IGF2: variants seen among roughly 807,000 people sequenced by gnomAD.
IGF2 encodes the protein insulin like growth factor 2, also known as insulin-like growth factor 2.
IGF2 carries 2 observed loss-of-function variants against 12.0 expected under a neutral mutation model. That is an observed-to-expected ratio of 0.17 (90% confidence interval 0.07 to 0.52). IGF2 has a LOEUF of 0.52. Ranked by LOEUF, IGF2 falls within the 20% of genes least tolerant of loss-of-function variation. The pLI, the probability that IGF2 is intolerant of heterozygous loss-of-function variation, is 0.95. For missense variants in IGF2, 211 were observed against 268.0 expected (o/e 0.79, Z 1.48); for synonymous variants, 105 against 110.1 (o/e 0.95, Z 0.29).
rs1250171739 is a variant in IGF2 at position 2,138,703 on chromosome 11, A to AG, written c.-482dup. The AG allele has an allele frequency of 3.2e-5, 7 of 217,794 alleles. No homozygotes were observed. The highest frequency in any genetic ancestry group is 3.3e-5 in the Non-Finnish European group (6 of 182,422). The allele number at this position is 217,794 out of a possible 1,614,324, so 13.5% of individuals were successfully genotyped here. On this transcript the variant is annotated 5_prime_UTR_variant, in exon 1 of 4. Transcript: ENST00000416167. ...CGGCGAAGGCGAGAGGGCGGGCGTGAGGGGGGGAGGGAGTCGGAGGCTAGG... is the reference window on the plus strand; with the variant it reads ...CGGCGAAGGCGAGAGGGCGGGCGTGAGGGGGGGGAGGGAGTCGGAGGCTAGG...
chr11:2,138,890 C>T lies in IGF2; in HGVS notation c.-668G>A. The T allele has an allele frequency of 2.0e-6, 2 of 984,658 alleles. No individual in the cohort carries two copies. Among genetic ancestry groups the T allele is most frequent in the Non-Finnish European group, 2.4e-6 (2 of 829,430 alleles). 61.0% of individuals were successfully genotyped at this position (984,658 alleles called of 1,614,324 possible). On this transcript the variant is annotated 5_prime_UTR_variant, in exon 1 of 4. Transcript: ENST00000416167. ...TGACTGGGGGGCGGAGTGGAGGCTG[C>T]ACCCGGACCGCGGGCGCCCAGCTCG...
At chr11:2,146,333 C>A in the IGF2 span, 8 of 535,840 alleles carry the variant, frequency 1.5e-5, no homozygotes, top group Non-Finnish European at 3.1e-5. Flanking sequence ...GTCCTCAGAG[C>A]GCCCCTCCGT....
chr11:2,134,333 G>T (rs1018580420), intron 2 of IGF2: 1 of 351,394 alleles, frequency 2.8e-6, no homozygotes, highest in Non-Finnish European at 5.7e-6. Context: ...TCCCCCAAGT[G>T]GGGGCTTGGC....
Position 2,131,622 on chromosome 11 carries a change from G to GTGTGTGC in IGF2, c.*1358_*1364dup, listed in dbSNP as rs1427724970. On this transcript the variant is annotated 3_prime_UTR_variant, in exon 4 of 4. Transcript: ENST00000416167. Reference sequence around the variant, plus strand: ...GCATGCGTGTGTGCTGTGTGTGCATGTGTGTGCTGTGTGCTGTGTTCATGT... The same window carrying GTGTGTGC: ...GCATGCGTGTGTGCTGTGTGTGCATGTGTGTGCTGTGTGCTGTGTGCTGTGTTCATGT... 5 of 215,000 alleles carry GTGTGTGC rather than the reference G, an allele frequency of 2.3e-5. No individual in the cohort carries two copies. Among genetic ancestry groups the GTGTGTGC allele is most frequent in the African/African-American group, 9.5e-5 (4 of 42,318 alleles). The allele number at this position is 215,000 out of a possible 1,614,324, so 13.3% of individuals were successfully genotyped here.
At chr11:2,137,057 G>C (rs1338231713) in intron 1 of IGF2, 1 of 164,228 alleles carries the variant, frequency 6.1e-6, no homozygotes, top group Non-Finnish European at 1.3e-5. Context: ...AGGGGAGGGG[G>C]GTGCTGTCCG....
At chr11:2,148,088 T>C in the IGF2 span, 1 of 337,248 alleles carries the variant, frequency 3.0e-6, no homozygotes, top group East Asian at 4.5e-5. The surrounding 1 kb of genome is among the most constrained non-coding windows in gnomAD (Gnocchi z 4.3). Context: ...CAGGCTGCCC[T>C]GTTCCTGGGT....
chr11:2,147,240 T>C, the IGF2 span: 5 of 239,686 alleles, frequency 2.1e-5, no homozygotes, highest in Non-Finnish European at 4.0e-5. The surrounding 1 kb of genome is among the most constrained non-coding windows in gnomAD (Gnocchi z 7.2). Flanking sequence ...ACCCACTTTC[T>C]GCCCCCCATC....
rs1387093747 is a variant in IGF2, at chr11:2,130,975, T to G, written c.*2012A>C. On this transcript the variant is annotated 3_prime_UTR_variant, in exon 4 of 4. Coordinates refer to ENST00000416167, the MANE Select transcript of IGF2 (RefSeq NM_000612.6). The stretch of plus-strand genomic sequence containing the variant: ...GTCAGGCTACTCGTGGGGGCATGTC[T>G]GCTCAGCTACCGCCATCTCCAATGT... 1.3e-5 allele frequency: 3 copies of G among 224,888 alleles called. No individual in the cohort carries two copies. Among genetic ancestry groups the G allele is most frequent in the Non-Finnish European group, 2.7e-5 (3 of 112,896 alleles). 13.9% of individuals were successfully genotyped at this position (224,888 alleles called of 1,614,324 possible).
upstream of IGF2, among the ~76,000 whole-genome samples, chr11:2,141,660 C>T (rs2133620368): frequency 6.6e-6 from 1 of 152,198 alleles, no homozygotes; most frequent in East Asian, 1.9e-4. Flanking sequence ...ATTTTCACAT[C>T]TTAAGAATAT....
Position 2,132,591 on chromosome 11 carries a change from T to A in IGF2, c.*396A>T, listed in dbSNP as rs1287105232. ...GATTTTTTTTGGTGGTTGTTTTTTT[T>A]AAAGCCAATTTCTGAGCTTTTGTGG... On this transcript the variant is annotated 3_prime_UTR_variant, in exon 4 of 4. Coordinates refer to ENST00000416167, the MANE Select transcript of IGF2 (RefSeq NM_000612.6). 1 of 199,128 alleles carries A rather than the reference T, an allele frequency of 5.0e-6. No individual in the cohort carries two copies. Among genetic ancestry groups the A allele is most frequent in the Non-Finnish European group, 1.0e-5 (1 of 98,964 alleles). 12.3% of individuals were successfully genotyped at this position (199,128 alleles called of 1,614,324 possible).
chr11:2,147,309 G>A, the IGF2 span: 105 of 352,824 alleles, frequency 3.0e-4, no homozygotes, highest in East Asian at 2.5e-3. The surrounding 1 kb of genome is among the most constrained non-coding windows in gnomAD (Gnocchi z 7.2). Context: ...GCCCTCTTTC[G>A]TCTCCCAGGA....
upstream of IGF2, among the ~76,000 whole-genome samples, chr11:2,145,690 C>T (rs1187197124): frequency 1.3e-5 from 2 of 152,174 alleles, no homozygotes; most frequent in African/African-American, 2.4e-5. Context: ...GGTGTAGTGG[C>T]CCTGTAGGGA....
the IGF2 span, chr11:2,146,295 T>C: frequency 1.9e-6 from 1 of 535,880 alleles, no homozygotes; most frequent in Non-Finnish European, 3.8e-6. Flanking sequence ...AGCCCAGCAT[T>C]TTACAAACCC....
At chr11:2,136,062 A>G (rs1274630466) in intron 1 of IGF2, among the ~76,000 whole-genome samples, 2 of 152,098 alleles carry the variant, frequency 1.3e-5, no homozygotes, top group Non-Finnish European at 2.9e-5. Context: ...CAGGAGGACC[A>G]TCGCCCTCAA....
upstream of IGF2, among the ~76,000 whole-genome samples, chr11:2,142,389 G>T (rs1421807669): frequency 1.3e-5 from 2 of 152,136 alleles, no homozygotes; most frequent in Non-Finnish European, 2.9e-5. This position sits in a 1 kb window ranked among gnomAD's most constrained non-coding sequence, Gnocchi z 5.7. Context: ...TTAAAGAAAG[G>T]GGATTCAGAA....
At chr11:2,135,111 C>T (rs906234357) in intron 2 of IGF2, among the ~76,000 whole-genome samples, 9 of 152,186 alleles carry the variant, frequency 5.9e-5, no homozygotes, top group African/African-American at 2.2e-4. Context: ...CCCAGGGAGA[C>T]CCCTGTGAGT....
At chr11:2,144,293 A>C (rs1392069906), upstream of IGF2, among the ~76,000 whole-genome samples, 1 of 151,300 alleles carries the variant, frequency 6.6e-6, no homozygotes, top group Non-Finnish European at 1.5e-5. Flanking sequence ...ACTGCGCCCC[A>C]CTCGCCTCCG....
intron 1 of IGF2, 133 bp from the exon 2 acceptor site, chr11:2,135,662 T>C (rs1858960330): frequency 1.3e-6 from 1 of 743,170 alleles, no homozygotes; most frequent in African/African-American, 1.8e-5. Flanking sequence ...CTATAAACAT[T>C]ATTTTTATTA....
rs552284844 is a variant in IGF2 at position 2,129,672 on chromosome 11, C to A, written c.*3315G>T. The A allele has an allele frequency of 4.3e-6, 1 of 231,532 alleles. No individual in the cohort carries two copies. The highest frequency in any genetic ancestry group is 2.2e-5 in the African/African-American group (1 of 45,238). 14.3% of individuals were successfully genotyped at this position (231,532 alleles called of 1,614,324 possible). ...AATGGCCCACTCACAGGGCGCTTGC[C>A]GAGGGACCCTCTGCGACTGAGGCGG... On this transcript the variant is annotated 3_prime_UTR_variant, in exon 4 of 4. Coordinates refer to ENST00000416167, the MANE Select transcript of IGF2 (RefSeq NM_000612.6). The surrounding 1 kb of genome is among the most constrained non-coding windows in gnomAD (Gnocchi z 8.1).
Sources: gnomAD v4.1 joint callset for allele counts (sites outside exome capture counted in the v4.1 genomes callset) on GRCh38, gnomAD v4.1.1 for gene constraint, Gnocchi (gnomAD v3.1) non-coding constraint, MANE v1.5 for transcripts, NCBI Gene and HGNC (gene_info 2026-07-23, HGNC 2026-07-21) for gene names.